The following SAMSN1 variants were observed in gnomAD, a reference collection of about 807,000 sequenced individuals.
SAMSN1 encodes SAM domain-containing protein SAMSN-1.
SAMSN1 carries 31 observed loss-of-function variants against 42.0 expected under a neutral mutation model. The ratio of observed to expected loss-of-function variants is 0.74; its 90% CI spans 0.55 to 1.00. SAMSN1 has a LOEUF of 1.00. Ranked by LOEUF, SAMSN1 falls within the 50% of genes least tolerant of loss-of-function variation. The pLI is 0.00. For missense variants in SAMSN1, 464 were observed against 439.4 expected (o/e 1.06, Z -0.50); for synonymous variants, 178 against 151.9 (o/e 1.17, Z -1.26).
At chr21:14,525,555 A>G (rs1028869467) in intron 1 of SAMSN1, among the ~76,000 whole-genome samples, 1 of 152,214 alleles carries the variant, frequency 6.6e-6, no homozygotes, top group Non-Finnish European at 1.5e-5. Context: ...TATACCAAAA[A>G]CATCAAAAGA....
rs570921841 is a variant in SAMSN1 at position 14,578,153 on chromosome 21, T to C, written c.261+3983A>G. ...ACTAAATTTTTCTAATAGATATTAA[T>C]AACCTTGCTTAACTACTGGGTGTTT... On this transcript the variant is annotated intron_variant, in intron 2 of 8. Coordinates refer to the SAMSN1 transcript ENST00000285670. 6.6e-5 allele frequency among the ~76,000 whole-genome samples: 10 copies of C among 152,332 alleles called. No homozygotes were observed. In the South Asian group the frequency reaches 1.0e-3, roughly 16 times the overall value.
chr21:14,607,755 A>T (rs976778409), intron 5 of SAMSN1, among the ~76,000 whole-genome samples: 1 of 152,340 alleles, frequency 6.6e-6, no homozygotes, highest in South Asian at 2.1e-4. Context: ...AAACAAAAAC[A>T]TACATAAGAG....
chr21:14,558,261 CA>C (rs1485545286), intron 2 of SAMSN1, among the ~76,000 whole-genome samples: 3 of 151,968 alleles, frequency 2.0e-5, no homozygotes, highest in African/African-American at 4.8e-5. Flanking sequence ...ATTAAAATTG[CA>C]GAATCCGTAC....
At position 14,645,607 on chromosome 21, in the gene SAMSN1, G is replaced by A. The variant is rs539866397; in HGVS notation, c.25-2474C>T. ...CTTAACTCCTTAATGCCCACACACC[G>A]AAGAACATCTACTAGCATCAACACC... On this transcript the variant is annotated intron_variant, in intron 1 of 15. Coordinates refer to the SAMSN1 transcript ENST00000647101. Among the ~76,000 whole-genome samples, 55 of 152,254 alleles carry A rather than the reference G, an allele frequency of 3.6e-4. 2 individuals carry two copies. The South Asian group carries it at 5.0e-3, about 14-fold the overall frequency.
chr21:14,656,474 A>G (rs1037132490), intron 1 of SAMSN1, among the ~76,000 whole-genome samples: 1 of 151,858 alleles, frequency 6.6e-6, no homozygotes, highest in Non-Finnish European at 1.5e-5. Context: ...TTACAAAGAC[A>G]TGTTAAATGC....
At chr21:14,488,269 G>A (rs1218345050) in intron 7 of SAMSN1, among the ~76,000 whole-genome samples, 17 of 151,908 alleles carry the variant, frequency 1.1e-4, no homozygotes, top group Admixed American at 1.1e-3. Context: ...ATTATGTTTG[G>A]GCCAATATTA....
In SAMSN1 at chr21:14,485,724, A is replaced by T. The variant is rs1426052263; in HGVS notation, c.*188T>A. 6.1e-6 allele frequency: 3 copies of T among 488,772 alleles called. No individual in the cohort carries two copies. Among genetic ancestry groups the T allele is most frequent in the Non-Finnish European group, 1.1e-5 (3 of 277,420 alleles). The allele number at this position is 488,772 out of a possible 1,614,324, so 30.3% of individuals were successfully genotyped here. A position where few individuals can be genotyped will look rare whatever the true frequency, so the allele number is the denominator to read the frequency against. On this transcript the variant is annotated 3_prime_UTR_variant, in exon 8 of 8. Transcript: ENST00000400566. ...ACATAGCATTTAAAATAATAAATATATATTTTATTGACAGTAATTTGGAAT... is the reference window on the plus strand; with the variant it reads ...ACATAGCATTTAAAATAATAAATATTTATTTTATTGACAGTAATTTGGAAT...
At chr21:14,519,721 G>C (rs565884171) in intron 2 of SAMSN1, among the ~76,000 whole-genome samples, 2 of 151,826 alleles carry the variant, frequency 1.3e-5, no homozygotes, top group Non-Finnish European at 2.9e-5. Context: ...AATAAGCATA[G>C]GATCTAAAAA....
intron 1 of SAMSN1, among the ~76,000 whole-genome samples, chr21:14,530,447 G>A (rs1979197320): frequency 1.3e-5 from 2 of 151,970 alleles, no homozygotes; most frequent in Admixed American, 6.6e-5. Context: ...GATAAAAAAT[G>A]TGTCTAGTAT....
chr21:14,646,813 C>T (rs1752534703), intron 1 of SAMSN1, among the ~76,000 whole-genome samples: 1 of 152,078 alleles, frequency 6.6e-6, no homozygotes, highest in Non-Finnish European at 1.5e-5. Context: ...TTTCTTTTTG[C>T]TTGTTTGTTT....
intron 4 of SAMSN1, 104 bp downstream of exon 4, chr21:14,512,340 T>C: frequency 8.5e-7 from 1 of 1,177,496 alleles, no homozygotes; most frequent in East Asian, 2.4e-5. Flanking sequence ...ACCATTTCTC[T>C]TATCAAGTAG....
At chr21:14,656,959 T>TA (rs1983926659) in intron 1 of SAMSN1, among the ~76,000 whole-genome samples, 1 of 151,790 alleles carries the variant, frequency 6.6e-6, no homozygotes, top group African/African-American at 2.4e-5. Flanking sequence ...CAGTGGTTTT[T>TA]ATTCTCTTTT....
intron 5 of SAMSN1, among the ~76,000 whole-genome samples, chr21:14,504,037 A>G (rs904367961): frequency 2.6e-5 from 4 of 152,192 alleles, no homozygotes; most frequent in African/African-American, 4.8e-5. Flanking sequence ...AGGAAGCCTC[A>G]TCCATAGGAA....
At chr21:14,504,747 C>T (rs1020774781) in intron 5 of SAMSN1, among the ~76,000 whole-genome samples, 3 of 152,034 alleles carry the variant, frequency 2.0e-5, no homozygotes, top group Admixed American at 6.6e-5. Context: ...ACAAGAAACA[C>T]GAACCTAGGA....
At chr21:14,507,392 C>G (rs779165170) in intron 5 of SAMSN1, among the ~76,000 whole-genome samples, 1 of 152,152 alleles carries the variant, frequency 6.6e-6, no homozygotes, top group Non-Finnish European at 1.5e-5. Flanking sequence ...CTTTTATACA[C>G]TAACAGTGAT....
At chr21:14,622,142 A>G (rs1983029734) in intron 2 of SAMSN1, among the ~76,000 whole-genome samples, 1 of 152,214 alleles carries the variant, frequency 6.6e-6, no homozygotes, top group Admixed American at 6.5e-5. Flanking sequence ...ATCATCAAAG[A>G]CCAAAGGTAG....
At chr21:14,507,319 G>A (rs1987461237) in intron 5 of SAMSN1, among the ~76,000 whole-genome samples, 1 of 152,148 alleles carries the variant, frequency 6.6e-6, no homozygotes, top group Non-Finnish European at 1.5e-5. Flanking sequence ...GAAGCTCCTA[G>A]AACTGATAAA....
chr21:14,568,204 ATTCT>A lies in SAMSN1; in HGVS notation c.261+13928_261+13931del, dbSNP rs369974711. ...TTATTTGAAAACATTACATGAAGTG[ATTCT>A]TTCTTTAATGACATGTCTCTCATTT... On this transcript the variant is annotated intron_variant, in intron 2 of 8. Coordinates refer to the SAMSN1 transcript ENST00000285670. Among the ~76,000 whole-genome samples, 337 of 152,298 alleles carry A rather than the reference ATTCT, an allele frequency of 2.2e-3. 3 individuals carry two copies. Among genetic ancestry groups the A allele is most frequent in the African/African-American group, 7.6e-3 (314 of 41,558 alleles).
chr21:14,514,292 C>G (rs1252009930), intron 3 of SAMSN1, among the ~76,000 whole-genome samples: 1 of 152,128 alleles, frequency 6.6e-6, no homozygotes, highest in African/African-American at 2.4e-5. Flanking sequence ...CTAGCATTTC[C>G]TGTCATAAAT....
Sources: allele counts gnomAD v4.1 joint callset (sites outside exome capture counted in the v4.1 genomes callset), GRCh38; gene constraint gnomAD v4.1.1; transcripts MANE v1.5; gene names NCBI Gene and HGNC (gene_info 2026-07-23, HGNC 2026-07-21).